CA13: variants seen among roughly 807,000 people sequenced by gnomAD.
The protein encoded by CA13 is carbonic anhydrase 13.
In CA13, 21 loss-of-function variants were observed where a neutral mutation model predicts 31.5. That is an observed-to-expected ratio of 0.67 (90% CI 0.47 to 0.96). CA13 has a LOEUF of 0.96. Among genes scored for constraint, CA13 ranks in the 40% least tolerant of loss-of-function variants. The pLI, the probability that CA13 is intolerant of heterozygous loss-of-function variation, is 0.00. For missense variants in CA13, 315 were observed against 318.9 expected (o/e 0.99, Z 0.09); for synonymous variants, 117 against 111.4 (o/e 1.05, Z -0.32).
chr8:85,252,741 G>A (rs1481490986), intron 2 of CA13, among the ~76,000 whole-genome samples: 2 of 152,092 alleles, frequency 1.3e-5, no homozygotes, highest in South Asian at 2.1e-4. Flanking sequence ...GGATGATGCT[G>A]TATTTGCTCT....
chr8:85,257,567 A>G (rs1229726354), intron 2 of CA13, among the ~76,000 whole-genome samples: 1 of 151,878 alleles, frequency 6.6e-6, no homozygotes, highest in Admixed American at 6.6e-5. Context: ...CAAAAAAAAA[A>G]AATACAACTA....
chr8:85,281,196 C>T (rs1252357782), intron 6 of CA13, 34 bp from the exon 7 acceptor site: 1 of 1,600,114 alleles, frequency 6.2e-7, no homozygotes, highest in Non-Finnish European at 8.6e-7. Context: ...GTGGGAATTT[C>T]TATGCTGAAG....
At position 85,250,777 on chromosome 8, in the gene CA13, T is replaced by C. The variant is rs776008801; in HGVS notation, c.75T>C (p.Asp25=). Residue 25 remains aspartate, a synonymous_variant, in exon 2 of 7, where the codon GAT becomes GAC. Transcript: ENST00000321764. Reference sequence around the variant, plus strand: ...GGAAGGAATTTTTCCCTATTGCTGATGGTGATCAGCAATCTCCAATTGAGA... The same window carrying C: ...GGAAGGAATTTTTCCCTATTGCTGACGGTGATCAGCAATCTCCAATTGAGA... The part of the protein sequence containing the change: ...IHWKEFFPIA[D]GDQQSPIEIK... The C allele has an allele frequency of 6.2e-7, 1 of 1,613,986 alleles. No homozygotes were observed. Among genetic ancestry groups the C allele is most frequent in the South Asian group, 1.1e-5 (1 of 91,072 alleles).
chr8:85,268,776 C>T (rs1261490751), intron 6 of CA13, 149 bp downstream of exon 6: 2 of 634,020 alleles, frequency 3.2e-6, no homozygotes, highest in Non-Finnish European at 5.3e-6. Flanking sequence ...TAGATGAGAC[C>T]TATGTCCCTT....
At chr8:85,274,488 G>C (rs1463227916) in intron 6 of CA13, among the ~76,000 whole-genome samples, 1 of 152,146 alleles carries the variant, frequency 6.6e-6, no homozygotes, top group African/African-American at 2.4e-5. Context: ...GGTTTGGACT[G>C]ATACATGGGC....
At position 85,268,612 on chromosome 8, in the gene CA13, C is replaced by T; in HGVS notation, c.654C>T (p.Asn218=). 1.2e-6 allele frequency: 2 copies of T among 1,612,118 alleles called. No homozygotes were observed. The highest frequency in any genetic ancestry group is 8.5e-7 in the Non-Finnish European group (1 of 1,178,920). The change falls in exon 6 of 7, where the codon AAC becomes AAT. Residue 218 remains asparagine (N), a synonymous_variant. Coordinates refer to ENST00000321764, the MANE Select transcript of CA13 (RefSeq NM_198584.3). ...GGATTGTTTTAAAGCAACCTATAAA[C>T]ATCAGCTCTCAACAGGTACATAATC... ...VTWIVLKQPI[N]ISSQQLAKFR... is the part of the protein sequence containing the mutation.
At chr8:85,272,155 GCAA>G (rs1807536164) in intron 6 of CA13, among the ~76,000 whole-genome samples, 1 of 152,254 alleles carries the variant, frequency 6.6e-6, no homozygotes, top group African/African-American at 2.4e-5. Context: ...ATAGTCCTAG[GCAA>G]CAACTGATGT....
intron 2 of CA13, among the ~76,000 whole-genome samples, chr8:85,252,790 A>G (rs1375818793): frequency 6.6e-6 from 1 of 152,208 alleles, no homozygotes; most frequent in Non-Finnish European, 1.5e-5. Flanking sequence ...AAAATCCTTA[A>G]TTGAAAGAAA....
chr8:85,265,308 G>A (rs186899163), intron 3 of CA13, among the ~76,000 whole-genome samples: 216 of 152,304 alleles, frequency 1.4e-3, no homozygotes, highest in African/African-American at 4.7e-3. Flanking sequence ...TAGGCATGTC[G>A]CATTGCCCTT....
At chr8:85,247,934 A>T (rs1232394186) in intron 1 of CA13, among the ~76,000 whole-genome samples, 1 of 151,106 alleles carries the variant, frequency 6.6e-6, no homozygotes, top group Admixed American at 6.6e-5. Flanking sequence ...CCAGTGACTG[A>T]GCAGATAAAA....
At chr8:85,277,857 T>G (rs1807637425) in intron 6 of CA13, among the ~76,000 whole-genome samples, 1 of 151,978 alleles carries the variant, frequency 6.6e-6, no homozygotes, top group Non-Finnish European at 1.5e-5. Context: ...CTTCAGAGGG[T>G]ATGTGTCTCC....
chr8:85,248,585 G>C (rs992679115), intron 1 of CA13, among the ~76,000 whole-genome samples: 1 of 152,086 alleles, frequency 6.6e-6, no homozygotes, highest in African/African-American at 2.4e-5. Flanking sequence ...TCATGGGGGG[G>C]ACAAGGAGAA....
At chr8:85,263,163 G>A (rs1212197912) in intron 3 of CA13, among the ~76,000 whole-genome samples, 1 of 152,166 alleles carries the variant, frequency 6.6e-6, no homozygotes, top group Non-Finnish European at 1.5e-5. Flanking sequence ...AGGCTGGCAT[G>A]TTCAAGAGGA....
intron 1 of CA13, among the ~76,000 whole-genome samples, chr8:85,248,262 A>C (rs28564613): frequency 0.61 from 92,628 of 151,786 alleles, 28,793 homozygotes; most frequent in Non-Finnish European, 0.65. Context: ...GTTCAAGACC[A>C]GACTGACCAA....
chr8:85,273,739 G>T (rs532665226), intron 6 of CA13, among the ~76,000 whole-genome samples: 11 of 152,072 alleles, frequency 7.2e-5, no homozygotes, highest in Middle Eastern at 6.8e-3. Flanking sequence ...TGGGGCTGAC[G>T]CCATAGGCCT....
intron 6 of CA13, among the ~76,000 whole-genome samples, chr8:85,270,648 A>G (rs949218144): frequency 1.3e-5 from 2 of 152,232 alleles, no homozygotes; most frequent in Non-Finnish European, 2.9e-5. Flanking sequence ...ACATCAAGGT[A>G]GTTAATAAGG....
At chr8:85,265,878 T>G (rs922042453) in intron 3 of CA13, among the ~76,000 whole-genome samples, 6 of 152,210 alleles carry the variant, frequency 3.9e-5, no homozygotes, top group African/African-American at 1.4e-4. Context: ...TAAGGAGACT[T>G]TGTGTTTTCA....
chr8:85,245,951 C>A, intron 1 of CA13, 86 bp downstream of exon 1: 2 of 1,476,792 alleles, frequency 1.4e-6, no homozygotes, highest in Non-Finnish European at 9.5e-7. Flanking sequence ...TGACCACACA[C>A]TGGGCTCGCA....
In CA13 at chr8:85,268,504, A is replaced by T; in HGVS notation, c.546A>T (p.Leu182=). The part of the protein sequence containing the change: ...GKQTRFTNFD[L]LSLLPPSWDY... Reference sequence around the variant, plus strand: ...AAACTCGATTCACAAATTTTGACCTATTGTCTCTGCTTCCACCATCCTGGG... The same window carrying T: ...AAACTCGATTCACAAATTTTGACCTTTTGTCTCTGCTTCCACCATCCTGGG... Residue 182 remains leucine (L), a synonymous_variant, in exon 6 of 7, where the codon CTA becomes CTT. Transcript: ENST00000321764. 3 of 1,614,020 alleles carry T rather than the reference A, an allele frequency of 1.9e-6. No homozygotes were observed. Among genetic ancestry groups the T allele is most frequent in the Non-Finnish European group, 2.5e-6 (3 of 1,179,972 alleles).
Sources: allele counts gnomAD v4.1 joint callset (sites outside exome capture counted in the v4.1 genomes callset), GRCh38; gene constraint gnomAD v4.1.1; transcripts MANE v1.5; gene names NCBI Gene and HGNC (gene_info 2026-07-23, HGNC 2026-07-21).